The following CNTN4 variants were observed in gnomAD, a reference collection of about 807,000 sequenced individuals.
The protein encoded by CNTN4 is contactin-4.
In CNTN4, 77 loss-of-function variants were observed where a neutral mutation model predicts 122.5. The observed-to-expected ratio is 0.63, with a 90% confidence interval of 0.52 to 0.76. The LOEUF (loss-of-function observed/expected upper bound fraction) is 0.76, where lower values mean the gene tolerates loss of function less well. Among genes scored for constraint, CNTN4 ranks in the 30% least tolerant of loss-of-function variants. CNTN4 has a pLI of 0.00. For missense variants in CNTN4, 1,256 were observed against 1,259.1 expected (o/e 1.00, Z 0.04); for synonymous variants, 512 against 447.0 (o/e 1.15, Z -1.83).
intron 4 of CNTN4, among the ~76,000 whole-genome samples, chr3:2,609,370 C>T (rs575898509): frequency 1.4e-4 from 22 of 152,298 alleles, no homozygotes; most frequent in African/African-American, 4.1e-4. Context: ...TGAGTGGGCC[C>T]TCACCAGACC....
chr3:2,457,555 C>A (rs115241662), intron 3 of CNTN4, among the ~76,000 whole-genome samples: 3 of 152,106 alleles, frequency 2.0e-5, no homozygotes, highest in Non-Finnish European at 4.4e-5. Context: ...ATGCTTGTTC[C>A]AGATGTGTTC....
At chr3:2,764,853 T>G (rs748848216) in intron 6 of CNTN4, among the ~76,000 whole-genome samples, 6 of 152,194 alleles carry the variant, frequency 3.9e-5, no homozygotes, top group African/African-American at 9.7e-5. Context: ...ACTCTTGATG[T>G]TCCCATTTTA....
At chr3:2,606,453 G>T (rs2149788649) in intron 4 of CNTN4, among the ~76,000 whole-genome samples, 1 of 152,216 alleles carries the variant, frequency 6.6e-6, no homozygotes, top group East Asian at 1.9e-4. Flanking sequence ...GTTTACCTAT[G>T]TAACAAACCT....
intron 13 of CNTN4, among the ~76,000 whole-genome samples, chr3:2,968,294 T>C (rs539169389): frequency 1.3e-5 from 2 of 152,140 alleles, no homozygotes; most frequent in African/African-American, 2.4e-5. Context: ...CTGCTTTGGA[T>C]GTATGCCTAA....
chr3:2,202,681 G>T (rs1409935939), intron 2 of CNTN4, among the ~76,000 whole-genome samples: 2 of 151,966 alleles, frequency 1.3e-5, no homozygotes, highest in African/African-American at 4.8e-5. Context: ...GAGAAGCTTA[G>T]TAATTTACTT....
chr3:2,158,460 C>T (rs1169681929), intron 2 of CNTN4, among the ~76,000 whole-genome samples: 1 of 152,180 alleles, frequency 6.6e-6, no homozygotes. Flanking sequence ...ACACATTCAG[C>T]TGCTGCAATA....
intron 4 of CNTN4, among the ~76,000 whole-genome samples, chr3:2,700,828 G>C (rs530709090): frequency 6.6e-6 from 1 of 152,292 alleles, no homozygotes; most frequent in South Asian, 2.1e-4. Context: ...TTCTATCAGG[G>C]ACTATAATAA....
At chr3:2,103,637 G>C (rs976402860) in intron 2 of CNTN4, among the ~76,000 whole-genome samples, 25 of 152,104 alleles carry the variant, frequency 1.6e-4, no homozygotes, top group African/African-American at 6.0e-4. Context: ...TTGATCAAAG[G>C]TATTGCTCTT....
At chr3:2,576,773 C>G (rs1466000304) in intron 4 of CNTN4, among the ~76,000 whole-genome samples, 3 of 152,136 alleles carry the variant, frequency 2.0e-5, no homozygotes, top group Non-Finnish European at 2.9e-5. Context: ...GTCTCGAACT[C>G]TTAACCTCAA....
intron 2 of CNTN4, among the ~76,000 whole-genome samples, chr3:2,237,441 C>A (rs2039727358): frequency 6.6e-6 from 1 of 152,032 alleles, no homozygotes; most frequent in Non-Finnish European, 1.5e-5. Flanking sequence ...CCACTGCACT[C>A]CAGACTCAGC....
At chr3:2,690,271 G>C (rs2149182415) in intron 4 of CNTN4, among the ~76,000 whole-genome samples, 1 of 152,096 alleles carries the variant, frequency 6.6e-6, no homozygotes, top group East Asian at 1.9e-4. Context: ...TCCCCTTTTG[G>C]GTACATGCAT....
intron 8 of CNTN4, among the ~76,000 whole-genome samples, chr3:2,870,546 A>G (rs781005144): frequency 3.1e-4 from 47 of 152,276 alleles, no homozygotes; most frequent in Non-Finnish European, 6.0e-4. Flanking sequence ...TGACAGTAAA[A>G]TCAATGAAAT....
intron 6 of CNTN4, among the ~76,000 whole-genome samples, chr3:2,765,326 C>G (rs2090804970): frequency 6.6e-6 from 1 of 152,184 alleles, no homozygotes; most frequent in African/African-American, 2.4e-5. Context: ...TCAGGAAAAG[C>G]CCACTTAACC....
intron 3 of CNTN4, among the ~76,000 whole-genome samples, chr3:2,392,808 C>G (rs11714046): frequency 0.42 from 63,927 of 151,890 alleles, 13,591 homozygotes; most frequent in East Asian, 0.62. Flanking sequence ...CTATTAGTTT[C>G]CTAGGACTCT....
chr3:2,935,513 A>G (rs1310106223), intron 13 of CNTN4, among the ~76,000 whole-genome samples: 2 of 152,182 alleles, frequency 1.3e-5, no homozygotes, highest in Non-Finnish European at 2.9e-5. Flanking sequence ...CTTCTACAAG[A>G]TGAAACTTAC....
At chr3:2,117,784 G>T (rs896805041) in intron 2 of CNTN4, among the ~76,000 whole-genome samples, 2 of 152,118 alleles carry the variant, frequency 1.3e-5, no homozygotes, top group African/African-American at 2.4e-5. Flanking sequence ...TATTAGACAC[G>T]CAGGGTTTAG....
chr3:2,468,876 A>G (rs1175179705), intron 3 of CNTN4, among the ~76,000 whole-genome samples: 2 of 152,184 alleles, frequency 1.3e-5, no homozygotes, highest in Non-Finnish European at 2.9e-5. Flanking sequence ...TGACACTTTT[A>G]TAAAGAAGGG....
rs1031395260 is a variant in CNTN4 at position 3,052,809 on chromosome 3, G to T, written c.2812-998G>T. On this transcript the variant is annotated intron_variant, in intron 23 of 24. Transcript: ENST00000418658. Reference sequence around the variant, plus strand: ...TGGCTACCTAGCCCCATAAAGTGGGGTTCCAGAGGAAAGGAATGGGAGGTT... The same window carrying T: ...TGGCTACCTAGCCCCATAAAGTGGGTTTCCAGAGGAAAGGAATGGGAGGTT... Among the ~76,000 whole-genome samples, 3 of 152,320 alleles carry T rather than the reference G, an allele frequency of 2.0e-5. No homozygotes were observed. In the South Asian group the frequency reaches 6.2e-4, roughly 32 times the overall value.
chr3:3,039,135 C>G (rs1699905476), intron 19 of CNTN4, 132 bp downstream of exon 19: 2 of 792,620 alleles, frequency 2.5e-6, no homozygotes, highest in Non-Finnish European at 4.3e-6. Context: ...TTCAGACACT[C>G]CCTCTCACGT....
Sources: allele counts gnomAD v4.1 joint callset (sites outside exome capture counted in the v4.1 genomes callset), GRCh38; gene constraint gnomAD v4.1.1; transcripts MANE v1.5; gene names NCBI Gene and HGNC (gene_info 2026-07-23, HGNC 2026-07-21).